PRR5: variants seen among roughly 807,000 people sequenced by gnomAD.
PRR5 encodes the protein proline-rich protein 5.
In PRR5, 25 loss-of-function variants were observed where a neutral mutation model predicts 30.6. The observed-to-expected ratio is 0.82, with a 90% CI of 0.60 to 1.14. The LOEUF is 1.14. Among genes scored for constraint, PRR5 ranks in the 50% most tolerant of loss-of-function variants. The pLI, the probability that PRR5 is intolerant of heterozygous loss-of-function variation, is 0.00. For missense variants in PRR5, 600 were observed against 547.1 expected (o/e 1.10, Z -0.96); for synonymous variants, 286 against 247.1 (o/e 1.16, Z -1.48).
rs1453492525 is a variant in PRR5 at position 44,691,078 on chromosome 22, A to T, written c.-10-11414A>T. ...GGGAAGGTGGATTCCCGGGGCGGGG[A>T]GGCAGGAGAGTCCTGAGCCCCCGAG... On this transcript the variant is annotated intron_variant, in intron 1 of 8. Coordinates refer to the PRR5 transcript ENST00000006251. This position sits in a 1 kb window ranked among gnomAD's most constrained non-coding sequence, Gnocchi z 4.4. Among the ~76,000 whole-genome samples the T allele has an allele frequency of 6.6e-6, 1 of 151,564 alleles. No individual in the cohort carries two copies. Among genetic ancestry groups the T allele is most frequent in the African/African-American group, 2.4e-5 (1 of 41,246 alleles).
chr22:44,719,652 T>C (rs5765929), intron 2 of PRR5, among the ~76,000 whole-genome samples: 40,589 of 152,114 alleles, frequency 0.27, 5,833 homozygotes, highest in South Asian at 0.43. Context: ...TCTGGGGCAG[T>C]CTCTCTTCTA....
intron 7 of PRR5, among the ~76,000 whole-genome samples, chr22:44,736,291 C>T (rs1337575932): frequency 6.6e-6 from 1 of 152,246 alleles, no homozygotes; most frequent in Non-Finnish European, 1.5e-5. Flanking sequence ...GGCCTGTCCC[C>T]ATCTGCTCCC....
upstream of PRR5, among the ~76,000 whole-genome samples, chr22:44,698,828 G>C (rs1925999287): frequency 6.6e-6 from 1 of 152,220 alleles, no homozygotes; most frequent in Admixed American, 6.5e-5. Context: ...GCACACTTAG[G>C]GGCTAGACTC....
chr22:44,670,390 AGCACTG>A (rs1483076638), intron 1 of PRR5, among the ~76,000 whole-genome samples: 2 of 152,346 alleles, frequency 1.3e-5, no homozygotes, highest in Non-Finnish European at 2.9e-5. Flanking sequence ...TCCCAGCTCC[AGCACTG>A]GCTGGCTGTG....
intron 5 of PRR5, 150 bp from the exon 6 acceptor site, chr22:44,732,101 A>C: frequency 3.1e-6 from 4 of 1,293,580 alleles, no homozygotes; most frequent in South Asian, 1.4e-5. Flanking sequence ...GGGGCCCTCT[A>C]TCCTTGGGAC....
Position 44,702,526 on chromosome 22 carries a change from C to T in PRR5, c.52C>T (p.Leu18=). Residue 18 remains leucine (L), a synonymous_variant, in exon 1 of 8, where the codon CTG becomes TTG. Transcript: ENST00000336985. The part of the protein sequence containing the change: ...KFMSSPSLSD[L]GKREPAAAAD... ...CATGAGTTCGCCCAGCCTCAGTGAC[C>T]TGGGCAAGAGAGAGCCGGCCGCCGC... 1 of 1,472,436 alleles carries T rather than the reference C, an allele frequency of 6.8e-7. No individual in the cohort carries two copies. Among genetic ancestry groups the T allele is most frequent in the Non-Finnish European group, 9.0e-7 (1 of 1,110,658 alleles). 91.2% of individuals were successfully genotyped at this position (1,472,436 alleles called of 1,614,324 possible).
chr22:44,669,133 C>T (rs1923273641), intron 1 of PRR5, among the ~76,000 whole-genome samples: 1 of 150,254 alleles, frequency 6.7e-6, no homozygotes, highest in East Asian at 2.0e-4. Context: ...CCCCTTCCCT[C>T]TATCTCTGAG....
intron 1 of PRR5, among the ~76,000 whole-genome samples, chr22:44,669,652 G>C (rs548867977): frequency 1.3e-5 from 2 of 152,372 alleles, no homozygotes; most frequent in Admixed American, 6.5e-5. Flanking sequence ...AGAAGGCTGG[G>C]GGAGGGTCCC....
intron 1 of PRR5, among the ~76,000 whole-genome samples, chr22:44,670,308 C>T (rs1047196356): frequency 7.2e-5 from 11 of 152,198 alleles, no homozygotes; most frequent in African/African-American, 2.7e-4. Flanking sequence ...GCCAAACAGT[C>T]TGGGATTCTG....
At chr22:44,690,266 T>C (rs578012379) in intron 1 of PRR5, among the ~76,000 whole-genome samples, 1 of 152,144 alleles carries the variant, frequency 6.6e-6, no homozygotes, top group Non-Finnish European at 1.5e-5. Context: ...GAATGTCCAC[T>C]GGGTGTTGAC....
chr22:44,692,814 G>A (rs1331826887), intron 1 of PRR5, among the ~76,000 whole-genome samples: 3 of 152,258 alleles, frequency 2.0e-5, no homozygotes, highest in Non-Finnish European at 2.9e-5. Flanking sequence ...TGTTCCCCGG[G>A]CCTGCCTGGC....
chr22:44,723,255 A>T (rs1217434530), intron 2 of PRR5, among the ~76,000 whole-genome samples: 1 of 151,632 alleles, frequency 6.6e-6, no homozygotes, highest in African/African-American at 2.4e-5. Context: ...AAGTGATGGG[A>T]TTACAGGCAT....
In PRR5 at chr22:44,732,439, A is replaced by G. The variant is rs755190154; in HGVS notation, c.555+48A>G. 9 of 1,578,108 alleles carry G rather than the reference A, an allele frequency of 5.7e-6. No homozygotes were observed. In the East Asian group the frequency reaches 1.4e-4, roughly 24 times the overall value. ...CGGGCATGGGGACCGTGGGGCAGTAATTGGGCTCAGGTCCCCACAGGCAGA... is the reference window on the plus strand; with the variant it reads ...CGGGCATGGGGACCGTGGGGCAGTAGTTGGGCTCAGGTCCCCACAGGCAGA... On this transcript the variant is annotated intron_variant, in intron 6 of 7. Coordinates refer to ENST00000336985, the MANE Select transcript of PRR5 (RefSeq NM_181333.4).
intron 1 of PRR5, among the ~76,000 whole-genome samples, chr22:44,696,243 C>T (rs1271110052): frequency 3.3e-5 from 5 of 152,124 alleles, no homozygotes; most frequent in African/African-American, 1.2e-4. Context: ...AACTTTGACA[C>T]AAAGGAGGTG....
chr22:44,698,137 C>G (rs1277778487), upstream of PRR5, among the ~76,000 whole-genome samples: 2 of 152,162 alleles, frequency 1.3e-5, no homozygotes, highest in Non-Finnish European at 2.9e-5. Flanking sequence ...CTGAGGATAT[C>G]AGGGTCCCCC....
chr22:44,702,377 C>T lies in PRR5; in HGVS notation c.-98C>T, dbSNP rs1030106229. The T allele has an allele frequency of 5.8e-6, 7 of 1,198,492 alleles. No homozygotes were observed. The East Asian group carries it at 2.6e-4, about 44-fold the overall frequency. The allele number at this position is 1,198,492 out of a possible 1,614,324, so 74.2% of individuals were successfully genotyped here. A position where few individuals can be genotyped will look rare whatever the true frequency, so the allele number is the denominator to read the frequency against. On this transcript the variant is annotated 5_prime_UTR_variant, in exon 1 of 8. Transcript: ENST00000336985. ...CTTCCTGCTCTCGCCGGAGTTTCCG[C>T]GTAGAGGGCGCATCGCCGGCCCGGG...
intron 2 of PRR5, among the ~76,000 whole-genome samples, chr22:44,723,813 C>T (rs150245512): frequency 1.1e-4 from 17 of 152,324 alleles, no homozygotes; most frequent in African/African-American, 4.1e-4. Context: ...TGATGTGCTG[C>T]ACTTCCATCT....
intron 2 of PRR5, 128 bp from the exon 3 acceptor site, chr22:44,725,116 C>T (rs1930481351): frequency 2.0e-5 from 28 of 1,387,586 alleles, no homozygotes; most frequent in Non-Finnish European, 2.8e-5. Flanking sequence ...CTGTCCACTA[C>T]CCATGTTTTT....
chr22:44,727,228 C>T lies in PRR5; in HGVS notation c.322+594C>T, dbSNP rs143627932. On this transcript the variant is annotated intron_variant, in intron 4 of 7. Transcript: ENST00000336985. ...CACACCCTTTGCCCTTCTCACGGCC[C>T]GGAGGTCCCCGCTGGCCTCACTGTG... is the stretch of plus-strand genomic sequence containing the variant. 5.3e-4 allele frequency among the ~76,000 whole-genome samples: 80 copies of T among 152,252 alleles called. 1 individual carries two copies. The South Asian group carries it at 0.013, about 24-fold the overall frequency.
Sources: allele counts gnomAD v4.1 joint callset (sites outside exome capture counted in the v4.1 genomes callset), GRCh38; gene constraint gnomAD v4.1.1; non-coding constraint Gnocchi (gnomAD v3.1); transcripts MANE v1.5; gene names NCBI Gene and HGNC (gene_info 2026-07-23, HGNC 2026-07-21).